NCAPG2: variants seen among roughly 807,000 people sequenced by gnomAD.
NCAPG2 encodes the protein non-SMC condensin II complex subunit G2.
NCAPG2 carries 53 observed loss-of-function variants against 141.1 expected under a neutral mutation model. The observed-to-expected ratio is 0.38, with a 90% CI of 0.30 to 0.47. The LOEUF (loss-of-function observed/expected upper bound fraction) is 0.47. NCAPG2 is among the 20% of genes least tolerant of loss of function. The probability of loss-of-function intolerance (pLI) is 0.99; values close to 1 mark genes in which losing one functional copy is unlikely to be tolerated. For synonymous variants in NCAPG2, 499 were observed against 490.7 expected (o/e 1.02, Z -0.22); for missense variants, 1,087 against 1,389.0 (o/e 0.78, Z 3.46).
chr7:158,646,322 A>G (rs1831013115), intron 25 of NCAPG2, 138 bp downstream of exon 25: 1 of 600,878 alleles, frequency 1.7e-6, no homozygotes, highest in Non-Finnish European at 2.8e-6. Flanking sequence ...TAAAATGGAG[A>G]AAAAATTATA....
chr7:158,677,525 C>CAAAAAAAAAAAAAAAAA, intron 11 of NCAPG2, among the ~76,000 whole-genome samples: 43 of 90,404 alleles, frequency 4.8e-4, no homozygotes, highest in Admixed American at 6.8e-4. Context: ...AAAAATAAAG[C>CAAAAAAAAAAAAAAAAA]AAAAAAAAAA....
intron 1 of NCAPG2, among the ~76,000 whole-genome samples, chr7:158,702,867 C>G (rs1407389478): frequency 6.6e-6 from 1 of 152,224 alleles, no homozygotes; most frequent in Non-Finnish European, 1.5e-5. Flanking sequence ...TTCCTCAACT[C>G]AAATGGCTGA....
At chr7:158,637,092 C>CAT (rs1563487104) in intron 27 of NCAPG2, among the ~76,000 whole-genome samples, 13 of 151,994 alleles carry the variant, frequency 8.6e-5, no homozygotes, top group Non-Finnish European at 1.8e-4. Context: ...GGACTACAGG[C>CAT]GCCCGCCACC....
At chr7:158,677,489 A>T (rs1251444233) in intron 11 of NCAPG2, among the ~76,000 whole-genome samples, 1 of 148,812 alleles carries the variant, frequency 6.7e-6, no homozygotes, top group Non-Finnish European at 1.5e-5. Flanking sequence ...TTTAAGAAAA[A>T]GCAAATAGGA....
chr7:158,690,755 A>G (rs1835064578), intron 4 of NCAPG2, 33 bp from the exon 5 acceptor site: 2 of 1,595,468 alleles, frequency 1.3e-6, no homozygotes, highest in Admixed American at 1.7e-5. Flanking sequence ...TCCAATTAGT[A>G]AGGCAAATTC....
chr7:158,701,993 G>T, intron 1 of NCAPG2, 55 bp from the exon 2 acceptor site: 1 of 1,095,956 alleles, frequency 9.1e-7, no homozygotes, highest in Non-Finnish European at 1.3e-6. Context: ...TTTCCTGTAA[G>T]ATTTAATTTG....
chr7:158,648,765 C>T (rs1362251066), intron 24 of NCAPG2, among the ~76,000 whole-genome samples: 1 of 70,012 alleles, frequency 1.4e-5, no homozygotes, highest in Non-Finnish European at 2.9e-5. Flanking sequence ...ACCACAACCA[C>T]GCCAAATGGA....
In NCAPG2 at chr7:158,695,022, C is replaced by A. The variant is rs142603568; in HGVS notation, c.79-1525G>T. On this transcript the variant is annotated intron_variant, in intron 2 of 27. Coordinates refer to ENST00000356309, the MANE Select transcript of NCAPG2 (RefSeq NM_017760.7). ...TTCAATCATGAACAATTGAATAATT[C>A]TTTACGCCTCAATTATGCAGAAAAA... Among the ~76,000 whole-genome samples, 24 of 152,266 alleles carry A rather than the reference C, an allele frequency of 1.6e-4. 1 individual carries two copies. The highest frequency in any genetic ancestry group is 5.3e-4 in the African/African-American group (22 of 41,556).
chr7:158,674,780 T>C (rs1437344941), intron 12 of NCAPG2, among the ~76,000 whole-genome samples: 1 of 152,240 alleles, frequency 6.6e-6, no homozygotes, highest in South Asian at 2.1e-4. Flanking sequence ...AAACAGTTGA[T>C]TCCAGTAGCA....
chr7:158,687,411 C>G lies in NCAPG2; in HGVS notation c.704G>C (p.Trp235Ser). Residue 235 changes from tryptophan to serine, a missense_variant, in exon 7 of 28, where the codon TGG (tryptophan) becomes TCG (serine). By Grantham distance (177) the Trp-to-Ser change is radical. Coordinates refer to ENST00000356309, the MANE Select transcript of NCAPG2 (RefSeq NM_017760.7). ...GATCATTTTGATGAAGTTGATATTC[C>G]AGTTGAAGAGACAACTAAGAAATCT... ...GRRFLSCLFNWNINFIKMIHG... is the reference protein window; with the variant it reads ...GRRFLSCLFNSNINFIKMIHG... 1 of 1,608,466 alleles carries G rather than the reference C, an allele frequency of 6.2e-7. No homozygotes were observed. Among genetic ancestry groups the G allele is most frequent in the Non-Finnish European group, 8.5e-7 (1 of 1,177,072 alleles).
intron 24 of NCAPG2, among the ~76,000 whole-genome samples, chr7:158,646,862 T>G (rs1187203145): frequency 1.3e-5 from 2 of 151,954 alleles, no homozygotes; most frequent in Non-Finnish European, 2.9e-5. Flanking sequence ...ACCCTGCCTC[T>G]CTAACAAAAT....
chr7:158,640,944 C>A (rs929953332), intron 27 of NCAPG2: 1 of 151,954 alleles, frequency 6.6e-6, no homozygotes, highest in African/African-American at 2.4e-5. Flanking sequence ...ATACAAGGAA[C>A]GAGAGGCAAG....
chr7:158,698,171 A>T (rs1278089143), intron 2 of NCAPG2, among the ~76,000 whole-genome samples: 1 of 152,230 alleles, frequency 6.6e-6, no homozygotes, highest in African/African-American at 2.4e-5. Context: ...TTGTGTTTTA[A>T]GCTAAGTGTT....
intron 25 of NCAPG2, 53 bp downstream of exon 25, chr7:158,646,407 G>A: frequency 1.5e-6 from 2 of 1,335,726 alleles, no homozygotes. Context: ...AAAAGCTGCT[G>A]AGCGCTTACA....
intron 11 of NCAPG2, among the ~76,000 whole-genome samples, chr7:158,678,109 TAA>T (rs10549623): frequency 0.55 from 82,032 of 148,264 alleles, 22,881 homozygotes; most frequent in Middle Eastern, 0.61. Flanking sequence ...TTTTTTATTT[TAA>T]AAAAAAAAAA....
intron 27 of NCAPG2, among the ~76,000 whole-genome samples, chr7:158,639,530 T>C (rs1447913966): frequency 6.6e-6 from 1 of 152,226 alleles, no homozygotes; most frequent in East Asian, 1.9e-4. Context: ...CCACAAGCCA[T>C]TTTGTTAATA....
At position 158,652,434 on chromosome 7, in the gene NCAPG2, C is replaced by G. The variant is rs548680625; in HGVS notation, c.2793G>C (p.Glu931Asp). Residue 931 changes from glutamate to aspartate, a missense_variant, in exon 23 of 28, where the codon GAG (glutamate) becomes GAC (aspartate). By Grantham distance (45) the Glu-to-Asp change is conservative. Coordinates refer to ENST00000356309, the MANE Select transcript of NCAPG2 (RefSeq NM_017760.7). ...TCTGAATCAAGGAACTTCCAGTTAT[C>G]TCTTTCAGAATGTCAAGAAGTAATG... Reference protein sequence around the residue: ...YVSLLLDILKEITGSSLIQKT... With the variant: ...YVSLLLDILKDITGSSLIQKT... 6.2e-7 allele frequency: 1 copy of G among 1,613,086 alleles called. No homozygotes were observed. Among genetic ancestry groups the G allele is most frequent in the South Asian group, 1.1e-5 (1 of 90,884 alleles).
At chr7:158,642,467 G>C (rs559200386) in intron 27 of NCAPG2, among the ~76,000 whole-genome samples, 1 of 152,062 alleles carries the variant, frequency 6.6e-6, no homozygotes, top group African/African-American at 2.4e-5. Flanking sequence ...GAGCCTGGGA[G>C]GTTAAAGCTG....
At chr7:158,683,212 A>G in intron 9 of NCAPG2, 88 bp downstream of exon 9, 3 of 1,148,774 alleles carry the variant, frequency 2.6e-6, no homozygotes, top group Non-Finnish European at 2.4e-6. Context: ...TGTCTGTGAA[A>G]GCTTAATTTT....
Sources: gnomAD v4.1 joint callset for allele counts (sites outside exome capture counted in the v4.1 genomes callset) on GRCh38, gnomAD v4.1.1 for gene constraint, MANE v1.5 for transcripts, NCBI Gene and HGNC (gene_info 2026-07-23, HGNC 2026-07-21) for gene names.